XCR1: variants seen among roughly 807,000 people sequenced by gnomAD.
XCR1 encodes X-C motif chemokine receptor 1.
For synonymous variants in XCR1, 187 were observed against 188.5 expected (o/e 0.99, Z 0.06); for missense variants, 356 against 424.2 (o/e 0.84, Z 1.41).
intron 5 of XCR1, among the ~76,000 whole-genome samples, chr3:46,048,361 A>T (rs1697673921): frequency 1.3e-5 from 2 of 152,198 alleles, no homozygotes; most frequent in African/African-American, 4.8e-5. Flanking sequence ...GGCCAAGAAC[A>T]TGGAATCAGG....
intron 5 of XCR1, among the ~76,000 whole-genome samples, chr3:46,043,463 C>CA (rs1697570337): frequency 6.6e-6 from 1 of 151,758 alleles, no homozygotes; most frequent in Non-Finnish European, 1.5e-5. Context: ...CAAACCAAAA[C>CA]AAAAAAGTAT....
chr3:46,076,913 C>A (rs990344555), exon 2 of XCR1, among the ~76,000 whole-genome samples: 4 of 152,142 alleles, frequency 2.6e-5, no homozygotes, highest in African/African-American at 9.7e-5. Context: ...GTAAAGCTGA[C>A]CCCTGTGTGA....
intron 5 of XCR1, among the ~76,000 whole-genome samples, chr3:46,041,937 T>G (rs909636167): frequency 6.6e-6 from 1 of 152,252 alleles, no homozygotes; most frequent in African/African-American, 2.4e-5. Flanking sequence ...GATTTGAGAC[T>G]GAGCTCCCAT....
chr3:46,079,341 A>G (rs1223889663), intron 1 of XCR1, among the ~76,000 whole-genome samples: 1 of 152,200 alleles, frequency 6.6e-6, no homozygotes, highest in Non-Finnish European at 1.5e-5. Flanking sequence ...AATAGAGAAA[A>G]AAGCTGGTTT....
rs1388036769 is a variant in XCR1 at position 46,019,242 on chromosome 3, C to G, written c.*1704G>C. 1 of 152,138 alleles carries G rather than the reference C, an allele frequency of 6.6e-6. No individual in the cohort carries two copies. The highest frequency in any genetic ancestry group is 2.4e-5 in the African/African-American group (1 of 41,418). 9.4% of individuals were successfully genotyped at this position (152,138 alleles called of 1,614,324 possible). On this transcript the variant is annotated 3_prime_UTR_variant, in exon 2 of 2. Transcript: ENST00000309285. ...ATATTTATAGAGAAGCAGCCTGGGA[C>G]AAAGAAGGTAAAGTGTGCCCCAGGG... is the stretch of plus-strand genomic sequence containing the variant.
chr3:46,046,852 T>G (rs2125898663), intron 5 of XCR1, among the ~76,000 whole-genome samples: 1 of 152,332 alleles, frequency 6.6e-6, no homozygotes, highest in South Asian at 2.1e-4. Context: ...AAGAATTTTG[T>G]TTTATAATTC....
At chr3:46,068,275 G>A (rs771478623) in intron 3 of XCR1, among the ~76,000 whole-genome samples, 3 of 152,012 alleles carry the variant, frequency 2.0e-5, no homozygotes, top group East Asian at 1.9e-4. Flanking sequence ...TATCTATACC[G>A]GTGGCTCTCA....
intron 1 of XCR1, among the ~76,000 whole-genome samples, chr3:46,080,144 C>T (rs886208375): frequency 3.3e-5 from 5 of 149,644 alleles, no homozygotes; most frequent in East Asian, 3.9e-4. Flanking sequence ...ATAATCGTGC[C>T]ACTGTACTCT....
At chr3:46,040,260 AATG>A in intron 5 of XCR1, among the ~76,000 whole-genome samples, 1 of 152,284 alleles carries the variant, frequency 6.6e-6, no homozygotes, top group Non-Finnish European at 1.5e-5. Flanking sequence ...TGGCTAAATA[AATG>A]ATTATTTTAT....
At chr3:46,052,699 G>A (rs559900182) in intron 5 of XCR1, among the ~76,000 whole-genome samples, 2 of 152,184 alleles carry the variant, frequency 1.3e-5, no homozygotes, top group Non-Finnish European at 2.9e-5. Context: ...AATTTCCCAA[G>A]TTCTTTGTAC....
At chr3:46,024,044 G>A in intron 1 of XCR1, 2 of 1,171,828 alleles carry the variant, frequency 1.7e-6, no homozygotes, top group African/African-American at 1.5e-5. Flanking sequence ...GCAAATGCCG[G>A]GAAAGCCAAG....
chr3:46,036,437 T>G (rs1697432549), intron 5 of XCR1, among the ~76,000 whole-genome samples: 1 of 152,248 alleles, frequency 6.6e-6, no homozygotes, highest in Non-Finnish European at 1.5e-5. Context: ...TGTTTATGTA[T>G]GTACATTTAT....
rs145904154 is a variant in XCR1, at chr3:46,072,897, A to T, written c.-263+1754T>A. On this transcript the variant is annotated intron_variant, in intron 3 of 5. Transcript: ENST00000683768. ...ACTACAAGGCTATAGTAACCAAAAC[A>T]GCATGGTACTAGTATAAAGGTAGAC... is the stretch of plus-strand genomic sequence containing the variant. Among the ~76,000 whole-genome samples the T allele has an allele frequency of 6.3e-3, 967 of 152,350 alleles. 7 individuals carry two copies. The highest frequency in any genetic ancestry group is 0.018 in the African/African-American group (735 of 41,578).
At chr3:46,074,589 T>C (rs1335404164) in intron 3 of XCR1, among the ~76,000 whole-genome samples, 5 of 151,996 alleles carry the variant, frequency 3.3e-5, no homozygotes, top group African/African-American at 1.2e-4. Flanking sequence ...CATGTAACAA[T>C]GCAATTGTAC....
chr3:46,046,335 C>T lies in XCR1; in HGVS notation c.-32+7585G>A, dbSNP rs201250359. ...GCAAAAGAGATAGCGAGAAGGGTGG[C>T]GTGGAAAAGGGGTCGGCTGCTCGGT... On this transcript the variant is annotated intron_variant, in intron 5 of 5. Transcript: ENST00000683768. 7.2e-5 allele frequency among the ~76,000 whole-genome samples: 11 copies of T among 152,268 alleles called. No homozygotes were observed. In the East Asian group the frequency reaches 1.2e-3, roughly 16 times the overall value.
rs374334500 is a variant in XCR1, at chr3:46,064,859, A to G, written c.-183+2040T>C. On this transcript the variant is annotated intron_variant, in intron 4 of 5. Coordinates refer to the XCR1 transcript ENST00000683768. ...GTAATCCCAGCACTGTGGGAGGCTGAGGTGGGTGGATCACCTGAGGTTGGG... is the reference window on the plus strand; with the variant it reads ...GTAATCCCAGCACTGTGGGAGGCTGGGGTGGGTGGATCACCTGAGGTTGGG... Among the ~76,000 whole-genome samples the G allele has an allele frequency of 2.6e-3, 400 of 152,302 alleles. 4 individuals carry two copies. Among genetic ancestry groups the G allele is most frequent in the Middle Eastern group, 0.01 (3 of 294 alleles).
At chr3:46,071,255 A>G (rs1335666491) in intron 3 of XCR1, among the ~76,000 whole-genome samples, 1 of 152,170 alleles carries the variant, frequency 6.6e-6, no homozygotes, top group Non-Finnish European at 1.5e-5. Flanking sequence ...ATAACAAGTA[A>G]TGAGAATGCA....
At position 46,023,323 on chromosome 3, in the gene XCR1, C is replaced by T. The variant is rs917319185; in HGVS notation, c.-31-1345G>A. ...GGAAGTAATGGAAGGACCCCTCAAC[C>T]TGGCTCATCAGCAGAGCAGACGAGC... On this transcript the variant is annotated intron_variant, in intron 1 of 1. Coordinates refer to ENST00000309285, the MANE Select transcript of XCR1 (RefSeq NM_001024644.2). 3.7e-6 allele frequency: 4 copies of T among 1,077,734 alleles called. No individual in the cohort carries two copies. The African/African-American group carries it at 4.7e-5, about 13-fold the overall frequency. The allele number at this position is 1,077,734 out of a possible 1,614,324, so 66.8% of individuals were successfully genotyped here.
In XCR1 at chr3:46,056,733, C is replaced by T. The variant is rs569518600; in HGVS notation, c.-182-2663G>A. On this transcript the variant is annotated intron_variant, in intron 4 of 5. Coordinates refer to the XCR1 transcript ENST00000683768. ...AACTCCTGAACTCAAGTGATCTGCC[C>T]ACCTTGGCTTCCCAAAGTGGTGGGA... 9.3e-4 allele frequency among the ~76,000 whole-genome samples: 142 copies of T among 152,122 alleles called. 1 individual carries two copies. The highest frequency in any genetic ancestry group is 1.8e-3 in the Admixed American group (27 of 15,280).
Sources: allele counts gnomAD v4.1 joint callset (sites outside exome capture counted in the v4.1 genomes callset), GRCh38; gene constraint gnomAD v4.1.1; transcripts MANE v1.5; gene names NCBI Gene and HGNC (gene_info 2026-07-23, HGNC 2026-07-21).